FGF13: variants seen among roughly 807,000 people sequenced by gnomAD.
FGF13 encodes the protein fibroblast growth factor homologous factor 2.
In FGF13, 2 loss-of-function variants were observed where a neutral mutation model predicts 19.5. The ratio of observed to expected loss-of-function variants is 0.10; its 90% CI spans 0.04 to 0.32. The LOEUF is 0.32. Among genes scored for constraint, FGF13 ranks in the 10% least tolerant of loss-of-function variants. The probability of loss-of-function intolerance (pLI) is 1.00; values close to 1 mark genes in which losing one functional copy is unlikely to be tolerated. For missense variants in FGF13, 113 were observed against 192.7 expected (o/e 0.59, Z 2.45); for synonymous variants, 72 against 76.9 (o/e 0.94, Z 0.33).
chrX:139,014,898 C>A (rs752612379), intron 1 of FGF13, among the ~76,000 whole-genome samples: 2 of 111,195 alleles, frequency 1.8e-5, no homozygotes, highest in Non-Finnish European at 3.8e-5. Flanking sequence ...CTCAGGCATG[C>A]AAGGATGGTT....
intron 3 of FGF13, among the ~76,000 whole-genome samples, chrX:138,820,855 G>T (rs1164387970): frequency 9.0e-6 from 1 of 111,012 alleles, no homozygotes; most frequent in Admixed American, 9.6e-5. Flanking sequence ...GGTGCTCCTA[G>T]ATAATGGAGA....
chrX:138,694,648 A>AT (rs1340340588), intron 3 of FGF13, among the ~76,000 whole-genome samples: 1 of 106,052 alleles, frequency 9.4e-6, no homozygotes, highest in Admixed American at 1.0e-4. Context: ...ATTTTTTTAA[A>AT]TTTTTTATCA....
intron 3 of FGF13, among the ~76,000 whole-genome samples, chrX:138,807,957 T>C (rs1049955817): frequency 1.8e-5 from 2 of 111,410 alleles, no homozygotes; most frequent in African/African-American, 6.5e-5. Flanking sequence ...CTTAGAGACC[T>C]ACAAAGAGAC....
intron 1 of FGF13, among the ~76,000 whole-genome samples, chrX:138,957,332 G>A (rs1252212736): frequency 8.9e-6 from 1 of 111,736 alleles, no homozygotes; most frequent in Non-Finnish European, 1.9e-5. Context: ...GTGAAAAGAT[G>A]GATGAAGAAT....
chrX:138,798,674 G>A (rs1297707597), intron 3 of FGF13, among the ~76,000 whole-genome samples: 2 of 111,666 alleles, frequency 1.8e-5, no homozygotes, highest in Non-Finnish European at 3.8e-5. Flanking sequence ...GGTAAAATTC[G>A]TCTCTGAATC....
At chrX:138,779,599 A>G (rs1346816789) in intron 3 of FGF13, among the ~76,000 whole-genome samples, 8 of 107,635 alleles carry the variant, frequency 7.4e-5, no homozygotes, top group Admixed American at 1.0e-4. Flanking sequence ...TGAAGCGAGA[A>G]GGGAAGTTTA....
At chrX:138,856,895 T>G (rs779529967), downstream of FGF13, among the ~76,000 whole-genome samples, 9 of 111,744 alleles carry the variant, frequency 8.1e-5, no homozygotes, top group Admixed American at 4.8e-4. Context: ...TTAACCTCAG[T>G]TTAAGTAACA....
At chrX:138,958,579 T>C (rs1326465010) in intron 1 of FGF13, among the ~76,000 whole-genome samples, 2 of 112,022 alleles carry the variant, frequency 1.8e-5, no homozygotes, top group African/African-American at 3.3e-5. Context: ...TTGATTGGAA[T>C]AGTTTCAGAA....
chrX:138,738,011 C>T (rs2090292134), intron 1 of FGF13, among the ~76,000 whole-genome samples: 2 of 112,186 alleles, frequency 1.8e-5, no homozygotes, highest in Non-Finnish European at 3.8e-5. Flanking sequence ...TTTTTTCTCT[C>T]TCAATTTTAT....
chrX:138,707,266 A>C (rs1569370097), intron 2 of FGF13, among the ~76,000 whole-genome samples: 1 of 111,009 alleles, frequency 9.0e-6, no homozygotes, highest in African/African-American at 3.3e-5. Context: ...TGAATTATCT[A>C]CTTTTTTTTT....
chrX:139,203,912 GC>G (rs1029194769), upstream of FGF13: 7 of 559,345 alleles, frequency 1.3e-5, no homozygotes, highest in South Asian at 2.9e-5. Context: ...AGCGACCTCT[GC>G]CCCCCCTTTT....
At chrX:138,873,740 C>G (rs57143653) in intron 1 of FGF13, among the ~76,000 whole-genome samples, 2,408 of 110,674 alleles carry the variant, frequency 0.022, 70 homozygotes, top group African/African-American at 0.075. Context: ...TCACAAGCTT[C>G]AAAAATGTCA....
At chrX:138,747,601 G>A (rs1478630768) in intron 3 of FGF13, among the ~76,000 whole-genome samples, 2 of 111,891 alleles carry the variant, frequency 1.8e-5, no homozygotes, top group Non-Finnish European at 3.8e-5. Flanking sequence ...CTTAATAATA[G>A]CATTGAGTGA....
intron 1 of FGF13, among the ~76,000 whole-genome samples, chrX:138,929,156 T>A (rs996178299): frequency 1.2e-4 from 13 of 111,528 alleles, no homozygotes; most frequent in Non-Finnish European, 1.5e-4. Context: ...TCAATCTCTG[T>A]TGGATCCTCA....
chrX:138,748,569 A>G (rs1237103719), intron 3 of FGF13, among the ~76,000 whole-genome samples: 1 of 112,310 alleles, frequency 8.9e-6, no homozygotes, highest in African/African-American at 3.2e-5. Flanking sequence ...AAGCCACTCA[A>G]TCTGTGGTAT....
chrX:138,713,031 T>C (rs2090069271), upstream of FGF13, among the ~76,000 whole-genome samples: 1 of 112,265 alleles, frequency 8.9e-6, no homozygotes, highest in Admixed American at 9.4e-5. Context: ...GAAATGTCTC[T>C]TGCTCCATCA....
In FGF13 at chrX:138,814,431, GA is replaced by G. The variant is rs895608886; in HGVS notation, c.217+43080del. ...GAGTGAAGAGATAACCTATGGAATG[GA>G]AAAAAAAATTTCAAACCATACATTT... On this transcript the variant is annotated intron_variant, in intron 3 of 6. Coordinates refer to the FGF13 transcript ENST00000436198. 7.4e-5 allele frequency among the ~76,000 whole-genome samples: 8 copies of G among 108,427 alleles called. No homozygotes were observed. The East Asian group carries it at 1.2e-3, about 16-fold the overall frequency. 94.2% of individuals were successfully genotyped at this position (108,427 alleles called of 115,157 possible).
At chrX:139,193,160 C>A (rs1336167338) in intron 1 of FGF13, among the ~76,000 whole-genome samples, 1 of 110,447 alleles carries the variant, frequency 9.1e-6, no homozygotes, top group Non-Finnish European at 1.9e-5. Flanking sequence ...TATCAAGAGT[C>A]CTCTAACTTG....
chrX:139,135,413 T>C (rs2083791892), intron 1 of FGF13, among the ~76,000 whole-genome samples: 1 of 112,603 alleles, frequency 8.9e-6, no homozygotes, highest in Non-Finnish European at 1.9e-5. Flanking sequence ...CAAATTGCTT[T>C]AAAAACATTT....
Sources: allele counts gnomAD v4.1 joint callset (sites outside exome capture counted in the v4.1 genomes callset), GRCh38; gene constraint gnomAD v4.1.1; transcripts MANE v1.5; gene names NCBI Gene and HGNC (gene_info 2026-07-23, HGNC 2026-07-21).